Variants in CLIC5 observed in about 807,000 individuals in gnomAD.
CLIC5 encodes chloride intracellular channel protein 5.
In CLIC5, 20 loss-of-function variants were observed where a neutral mutation model predicts 24.7. That is an observed-to-expected ratio of 0.81 (90% CI 0.57 to 1.18). The LOEUF (loss-of-function observed/expected upper bound fraction) is 1.18. Ranked by LOEUF, CLIC5 falls within the 50% of genes most tolerant of loss-of-function variation. CLIC5 has a pLI of 0.00. For synonymous variants in CLIC5, 159 were observed against 135.6 expected, an observed-to-expected ratio of 1.17 and a Z score of -1.20; for missense variants, 341 against 326.1, an observed-to-expected ratio of 1.05 and a Z score of -0.35.
the CLIC5 span, among the ~76,000 whole-genome samples, chr6:46,104,232 C>G: frequency 1.3e-5 from 2 of 152,134 alleles, no homozygotes; most frequent in African/African-American, 4.8e-5. Context: ...AAGATGGGTA[C>G]TGGATAAGGT....
At chr6:46,108,050 A>AAAAAAAAAAAC in the CLIC5 span, among the ~76,000 whole-genome samples, 1 of 150,884 alleles carries the variant, frequency 6.6e-6, no homozygotes, top group Non-Finnish European at 1.5e-5. Context: ...AAAAAAAAAA[A>AAAAAAAAAAAC]AAAAAACCTC....
intron 1 of CLIC5, among the ~76,000 whole-genome samples, chr6:46,054,289 C>T (rs1197694323): frequency 2.6e-5 from 4 of 152,098 alleles, no homozygotes; most frequent in Non-Finnish European, 5.9e-5. Context: ...GCTATAAAAC[C>T]CACCACTGCC....
intron 1 of CLIC5, among the ~76,000 whole-genome samples, chr6:46,046,172 CT>C (rs1562022456): frequency 6.6e-6 from 1 of 152,182 alleles, no homozygotes; most frequent in Non-Finnish European, 1.5e-5. Context: ...TTGCTTACCC[CT>C]GAGTAATGCT....
intron 1 of CLIC5, among the ~76,000 whole-genome samples, chr6:46,012,004 T>G (rs1389522317): frequency 6.6e-6 from 1 of 152,222 alleles, no homozygotes; most frequent in East Asian, 1.9e-4. Context: ...AATTTTCAAT[T>G]TACAAAGTGT....
chr6:46,045,588 C>T (rs1357576439), intron 1 of CLIC5, among the ~76,000 whole-genome samples: 1 of 152,108 alleles, frequency 6.6e-6, no homozygotes, highest in Non-Finnish European at 1.5e-5. Context: ...TGGAAGTTTA[C>T]TTAGTGTCTG....
At chr6:45,932,263 C>A (rs1197485748) in intron 4 of CLIC5, among the ~76,000 whole-genome samples, 4 of 152,310 alleles carry the variant, frequency 2.6e-5, no homozygotes, top group East Asian at 1.9e-4. Context: ...CACATGCCCC[C>A]ACGACCAGCT....
intron 1 of CLIC5, among the ~76,000 whole-genome samples, chr6:45,985,498 G>A (rs987028708): frequency 5.9e-5 from 9 of 152,122 alleles, no homozygotes; most frequent in South Asian, 2.1e-4. Context: ...GTGCAACAGT[G>A]AAGTGACTCC....
downstream of CLIC5, among the ~76,000 whole-genome samples, chr6:45,896,010 C>A (rs888448781): frequency 9.2e-5 from 14 of 152,146 alleles, no homozygotes; most frequent in African/African-American, 3.1e-4. Context: ...AATTAAAAAT[C>A]TTCCCAAATT....
At chr6:46,043,199 A>G (rs1182565275) in intron 1 of CLIC5, among the ~76,000 whole-genome samples, 1 of 152,198 alleles carries the variant, frequency 6.6e-6, no homozygotes, top group South Asian at 2.1e-4. Flanking sequence ...ATGTACAGTT[A>G]TTGAGCACCC....
chr6:45,967,852 G>A (rs927118114), intron 1 of CLIC5, among the ~76,000 whole-genome samples: 1 of 152,158 alleles, frequency 6.6e-6, no homozygotes, highest in African/African-American at 2.4e-5. Context: ...AACTATCAGA[G>A]CGAGAACTCA....
chr6:45,912,278 T>C, intron 5 of CLIC5: 2 of 999,460 alleles, frequency 2.0e-6, no homozygotes, highest in Non-Finnish European at 2.4e-6. Flanking sequence ...GGCCAAGGGC[T>C]GGCCTTTGTT....
At chr6:45,958,409 G>T (rs1764716496) in intron 1 of CLIC5, among the ~76,000 whole-genome samples, 1 of 40,180 alleles carries the variant, frequency 2.5e-5, no homozygotes, top group African/African-American at 8.8e-5. Flanking sequence ...TCAGGGAAGT[G>T]TCAAAAAGAC....
At chr6:45,998,991 C>T (rs755635722) in intron 1 of CLIC5, among the ~76,000 whole-genome samples, 1 of 152,144 alleles carries the variant, frequency 6.6e-6, no homozygotes, top group Non-Finnish European at 1.5e-5. Context: ...CACCCTGTGA[C>T]TCTTTACAGA....
intron 1 of CLIC5, among the ~76,000 whole-genome samples, chr6:46,036,030 C>A (rs1344877618): frequency 7.9e-5 from 12 of 152,150 alleles, no homozygotes; most frequent in Non-Finnish European, 1.6e-4. Flanking sequence ...CAGGCGTGAG[C>A]AAGCATGCCC....
the CLIC5 span, among the ~76,000 whole-genome samples, chr6:46,118,333 C>T: frequency 6.6e-6 from 1 of 152,140 alleles, no homozygotes; most frequent in Non-Finnish European, 1.5e-5. Context: ...ACACAGGGCT[C>T]CTACATGGTA....
rs148449339 is a variant in CLIC5 at position 46,007,193 on chromosome 6, C to T, written c.63+8287G>A. Among the ~76,000 whole-genome samples, 50 of 152,292 alleles carry T rather than the reference C, an allele frequency of 3.3e-4. 1 individual carries two copies. The highest frequency in any genetic ancestry group is 9.6e-4 in the African/African-American group (40 of 41,554). ...TCAGATTACACCATTCCAAATCAAACGATTTTAATGAACAGCAACTCCCTT... is the reference window on the plus strand; with the variant it reads ...TCAGATTACACCATTCCAAATCAAATGATTTTAATGAACAGCAACTCCCTT... On this transcript the variant is annotated intron_variant, in intron 1 of 5. Coordinates refer to ENST00000339561, the MANE Select transcript of CLIC5 (RefSeq NM_016929.5).
At chr6:45,996,174 C>T (rs1297656505) in intron 1 of CLIC5, among the ~76,000 whole-genome samples, 3 of 149,710 alleles carry the variant, frequency 2.0e-5, no homozygotes, top group East Asian at 3.9e-4. Context: ...CTCTTTTTTG[C>T]AAACCACGGA....
intron 1 of CLIC5, among the ~76,000 whole-genome samples, chr6:46,053,526 AGAT>A (rs1426556173): frequency 6.6e-6 from 1 of 152,196 alleles, no homozygotes; most frequent in Non-Finnish European, 1.5e-5. Context: ...CAGTGCTGCT[AGAT>A]GATCTCTGAA....
the CLIC5 span, among the ~76,000 whole-genome samples, chr6:46,104,729 G>A: frequency 1.3e-5 from 2 of 150,864 alleles, no homozygotes; most frequent in African/African-American, 4.9e-5. Context: ...CTTTGTACCT[G>A]TAGGAAGACC....
Sources: gnomAD v4.1 joint callset for allele counts (sites outside exome capture counted in the v4.1 genomes callset) on GRCh38, gnomAD v4.1.1 for gene constraint, MANE v1.5 for transcripts, NCBI Gene and HGNC (gene_info 2026-07-23, HGNC 2026-07-21) for gene names.